The following LINGO2 variants were observed in gnomAD, a reference collection of about 807,000 sequenced individuals.
The protein encoded by LINGO2 is leucine-rich repeat and immunoglobulin-like domain-containing nogo receptor-interacting protein 2.
A neutral mutation model predicts 30.6 loss-of-function variants in LINGO2; 14 were observed. The ratio of observed to expected loss-of-function variants is 0.46; its 90% CI spans 0.30 to 0.72. The LOEUF (loss-of-function observed/expected upper bound fraction) is 0.72, where lower values mean the gene tolerates loss of function less well. LINGO2 is among the 30% of genes least tolerant of loss of function. The probability of loss-of-function intolerance (pLI) is 0.07; values close to 1 mark genes in which losing one functional copy is unlikely to be tolerated. For missense variants in LINGO2, 729 were observed against 751.7 expected, an observed-to-expected ratio of 0.97 and a Z score of 0.35; for synonymous variants, 317 against 288.5, an observed-to-expected ratio of 1.10 and a Z score of -1.00.
chr9:28,996,235 T>C, the LINGO2 span, among the ~76,000 whole-genome samples: 779 of 152,240 alleles, frequency 5.1e-3, 10 homozygotes, highest in African/African-American at 0.018. Context: ...AAGTTTCCAG[T>C]ATTTTTACTA....
intron 2 of LINGO2, among the ~76,000 whole-genome samples, chr9:28,378,427 T>C (rs1406964804): frequency 6.6e-6 from 1 of 152,182 alleles, no homozygotes; most frequent in East Asian, 1.9e-4. Context: ...ATCTGTGTTA[T>C]ATATCCCATG....
At chr9:28,023,660 G>A (rs2119394951) in intron 4 of LINGO2, among the ~76,000 whole-genome samples, 1 of 152,268 alleles carries the variant, frequency 6.6e-6, no homozygotes, top group Non-Finnish European at 1.5e-5. Context: ...CTCCTGGCAG[G>A]ACAAAGCCTT....
At chr9:28,448,065 T>G (rs1824498871) in intron 2 of LINGO2, among the ~76,000 whole-genome samples, 1 of 152,104 alleles carries the variant, frequency 6.6e-6, no homozygotes, top group Admixed American at 6.6e-5. Context: ...TCATACTACC[T>G]AGAGCTGCAA....
intron 4 of LINGO2, among the ~76,000 whole-genome samples, chr9:28,270,897 A>C (rs1382317865): frequency 6.6e-6 from 1 of 152,138 alleles, no homozygotes; most frequent in Non-Finnish European, 1.5e-5. Context: ...GAGAGACTAA[A>C]TCATTTGCCA....
rs1393745280 is a variant in LINGO2 at position 28,148,259 on chromosome 9, C to T, written c.-86-135854G>A. On this transcript the variant is annotated intron_variant, in intron 4 of 5. Coordinates refer to ENST00000379992, the Ensembl canonical transcript of LINGO2. The surrounding 1 kb of genome is among the most constrained non-coding windows in gnomAD (Gnocchi z 5.1). Reference sequence around the variant, plus strand: ...GAACATGGGCACCCCACAGAGGGTCCTGTCTCCTGTGGTCTGGAGCCCCGC... The same window carrying T: ...GAACATGGGCACCCCACAGAGGGTCTTGTCTCCTGTGGTCTGGAGCCCCGC... 1.1e-5 allele frequency: 8 copies of T among 754,074 alleles called. No homozygotes were observed. The highest frequency in any genetic ancestry group is 1.7e-5 in the African/African-American group (1 of 57,666). 46.7% of individuals were successfully genotyped at this position (754,074 alleles called of 1,614,324 possible). A position where few individuals can be genotyped will look rare whatever the true frequency, so the allele number is the denominator to read the frequency against.
chr9:28,886,353 T>C, the LINGO2 span, among the ~76,000 whole-genome samples: 1 of 152,102 alleles, frequency 6.6e-6, no homozygotes, highest in South Asian at 2.1e-4. Flanking sequence ...TAAAACAAGC[T>C]TTTATGGAAG....
At chr9:29,080,494 T>G in the LINGO2 span, among the ~76,000 whole-genome samples, 2 of 152,096 alleles carry the variant, frequency 1.3e-5, no homozygotes, top group Non-Finnish European at 2.9e-5. Flanking sequence ...AGCTTTTGAA[T>G]GTGTTTGCTC....
intron 4 of LINGO2, among the ~76,000 whole-genome samples, chr9:28,061,128 G>A (rs1414539066): frequency 6.7e-6 from 1 of 149,992 alleles, no homozygotes; most frequent in African/African-American, 2.5e-5. Flanking sequence ...TCCTTCTAGA[G>A]GATAAGCTCT....
At chr9:29,121,661 C>A in the LINGO2 span, among the ~76,000 whole-genome samples, 2 of 152,020 alleles carry the variant, frequency 1.3e-5, no homozygotes, top group East Asian at 3.8e-4. Context: ...CAAGACTCTC[C>A]AGACAGAAGG....
At chr9:28,498,077 T>A (rs1348281879) in intron 1 of LINGO2, among the ~76,000 whole-genome samples, 1 of 152,058 alleles carries the variant, frequency 6.6e-6, no homozygotes, top group Non-Finnish European at 1.5e-5. Context: ...TACTCGGGGG[T>A]GCCTCCCAGT....
the LINGO2 span, among the ~76,000 whole-genome samples, chr9:28,840,792 G>A: frequency 6.6e-6 from 1 of 152,002 alleles, no homozygotes; most frequent in South Asian, 2.1e-4. Flanking sequence ...AGTTTAAGAT[G>A]CATTGTAAGA....
chr9:29,182,675 A>G, the LINGO2 span, among the ~76,000 whole-genome samples: 47 of 142,994 alleles, frequency 3.3e-4, no homozygotes, highest in East Asian at 4.8e-3. Context: ...GAAATGAAGA[A>G]GTAAATCTGT....
chr9:28,136,390 A>G (rs1334289755), intron 4 of LINGO2, among the ~76,000 whole-genome samples: 1 of 152,206 alleles, frequency 6.6e-6, no homozygotes, highest in Non-Finnish European at 1.5e-5. Context: ...CAGGGTCTTC[A>G]GTTGTCATCT....
At position 28,189,697 on chromosome 9, in the gene LINGO2, G is replaced by A. The variant is rs71512429; in HGVS notation, c.-87+105511C>T. ...GAAGGAAGGAAGGGAGGAAGGAAGG[G>A]AGGGAGGAAGGAAGGAAGGAAGGAA... On this transcript the variant is annotated intron_variant, in intron 4 of 5. Coordinates refer to ENST00000379992, the Ensembl canonical transcript of LINGO2. Among the ~76,000 whole-genome samples, 152 of 24,084 alleles carry A rather than the reference G, an allele frequency of 6.3e-3. 4 individuals carry two copies. Among genetic ancestry groups the A allele is most frequent in the African/African-American group, 9.7e-3 (86 of 8,878 alleles). 15.8% of individuals were successfully genotyped at this position (24,084 alleles called of 152,430 possible).
At chr9:28,562,978 T>G (rs1823182206) in intron 1 of LINGO2, among the ~76,000 whole-genome samples, 1 of 151,888 alleles carries the variant, frequency 6.6e-6, no homozygotes, top group Non-Finnish European at 1.5e-5. Context: ...TCCCAAGTAG[T>G]GGGGACAACA....
At chr9:28,670,104 T>C (rs1364539100) in intron 1 of LINGO2, 96 bp downstream of exon 3, 1 of 152,024 alleles carries the variant, frequency 6.6e-6, no homozygotes, top group Non-Finnish European at 1.5e-5. Flanking sequence ...TAAATAAAAT[T>C]ATCCACTTCC....
chr9:28,209,139 C>A (rs1820507277), intron 4 of LINGO2, among the ~76,000 whole-genome samples: 1 of 151,944 alleles, frequency 6.6e-6, no homozygotes. Context: ...ATCTTTCATC[C>A]CAATTTTTCA....
intron 4 of LINGO2, among the ~76,000 whole-genome samples, chr9:28,169,597 G>A (rs762668794): frequency 1.4e-4 from 22 of 152,162 alleles, no homozygotes; most frequent in African/African-American, 1.9e-4. Flanking sequence ...CTGATGTTAC[G>A]TAGTGAATAA....
At chr9:28,923,603 T>C in the LINGO2 span, among the ~76,000 whole-genome samples, 1 of 149,974 alleles carries the variant, frequency 6.7e-6, no homozygotes, top group Non-Finnish European at 1.5e-5. Context: ...AAGAAATGAA[T>C]TACTTGGCAT....
Sources: allele counts gnomAD v4.1 joint callset (sites outside exome capture counted in the v4.1 genomes callset), GRCh38; gene constraint gnomAD v4.1.1; non-coding constraint Gnocchi (gnomAD v3.1); transcripts MANE v1.5; gene names NCBI Gene and HGNC (gene_info 2026-07-23, HGNC 2026-07-21).